Variants in PPID observed in about 807,000 individuals in gnomAD.
PPID encodes peptidyl-prolyl cis-trans isomerase D.
In PPID, 47 loss-of-function variants were observed where a neutral mutation model predicts 48.1. That is an observed-to-expected ratio of 0.98 (90% CI 0.77 to 1.25). PPID has a LOEUF of 1.25. PPID is among the 50% of genes most tolerant of loss of function. The pLI, the probability that PPID is intolerant of heterozygous loss-of-function variation, is 0.00. For missense variants in PPID, 429 were observed against 443.5 expected, an observed-to-expected ratio of 0.97 and a Z score of 0.29; for synonymous variants, 163 against 148.8, an observed-to-expected ratio of 1.10 and a Z score of -0.69.
Position 158,715,614 on chromosome 4 carries a change from G to A in PPID, c.593C>T (p.Ser198Phe), listed in dbSNP as rs760519600. The A allele has an allele frequency of 6.2e-7, 1 of 1,613,450 alleles. No homozygotes were observed. The highest frequency in any genetic ancestry group is 8.5e-7 in the Non-Finnish European group (1 of 1,179,502). ...AGGGAAATCTGGATGACTGTCGCCA[G>A]AGCCATCTTTTGGGAATATTCCCCC... ...DDGGIFPKDG[S>F]GDSHPDFPED... Residue 198 changes from serine (S) to phenylalanine (F), a missense_variant, in exon 5 of 10, where the codon TCT becomes TTT. By Grantham distance (155) the Ser-to-Phe change is radical. Coordinates refer to ENST00000307720, the MANE Select transcript of PPID (RefSeq NM_005038.3).
intron 9 of PPID, 157 bp downstream of exon 9, chr4:158,710,471 T>C: frequency 1.4e-6 from 1 of 730,200 alleles, no homozygotes; most frequent in Non-Finnish European, 2.4e-6. Context: ...ACTTTGACTG[T>C]CTTGTTCATT....
chr4:158,721,574 T>A (rs1029170023), intron 1 of PPID, 91 bp from the exon 2 acceptor site: 108 of 1,421,334 alleles, frequency 7.6e-5, no homozygotes, highest in Non-Finnish European at 9.2e-5. Context: ...AGCAGATCAA[T>A]CATGAATTAC....
intron 7 of PPID, among the ~76,000 whole-genome samples, chr4:158,711,705 A>G (rs1209505006): frequency 1.3e-5 from 2 of 152,198 alleles, no homozygotes; most frequent in African/African-American, 4.8e-5. Flanking sequence ...GAGGCTCTTA[A>G]CTATAATACC....
At position 158,709,734 on chromosome 4, in the gene PPID, T is replaced by C; in HGVS notation, c.*2A>G. The stretch of plus-strand genomic sequence containing the variant: ...CACACAATAAGCAAAACTGAATCCT[T>C]TCTAAGCAAACATTTTTGCATATAC... On this transcript the variant is annotated 3_prime_UTR_variant, in exon 10 of 10. Coordinates refer to ENST00000307720, the MANE Select transcript of PPID (RefSeq NM_005038.3). The C allele has an allele frequency of 6.3e-7, 1 of 1,594,504 alleles. No individual in the cohort carries two copies. The highest frequency in any genetic ancestry group is 1.3e-5 in the African/African-American group (1 of 74,642).
At chr4:158,722,712 C>T (rs1037558305) in intron 1 of PPID, among the ~76,000 whole-genome samples, 1 of 152,156 alleles carries the variant, frequency 6.6e-6, no homozygotes, top group Non-Finnish European at 1.5e-5. Flanking sequence ...TCTGAACGGA[C>T]CTCTAAATTA....
rs1774854910 is a variant in PPID, at chr4:158,715,409, T to C, written c.646-6A>G. ...ATTAATAAAATTTTATCTACCTGTA[T>C]AAAAAAATACAAATATGTTGGATTT... On this transcript the variant is annotated splice_region_variant and splice_polypyrimidine_tract_variant and intron_variant, in intron 5 of 9. Transcript: ENST00000307720. The C allele has an allele frequency of 4.0e-6, 6 of 1,496,828 alleles. No individual in the cohort carries two copies. Among genetic ancestry groups the C allele is most frequent in the South Asian group, 2.6e-5 (2 of 76,304 alleles). The allele number at this position is 1,496,828 out of a possible 1,614,324, so 92.7% of individuals were successfully genotyped here.
In PPID at chr4:158,721,324, T is replaced by A; in HGVS notation, c.226+19A>T. 6.2e-7 allele frequency: 1 copy of A among 1,611,686 alleles called. No individual in the cohort carries two copies. The highest frequency in any genetic ancestry group is 8.5e-7 in the Non-Finnish European group (1 of 1,178,264). On this transcript the variant is annotated intron_variant, in intron 2 of 9. Coordinates refer to ENST00000307720, the MANE Select transcript of PPID (RefSeq NM_005038.3). ...TTGTCTGTATGAAGAATAACAAGAT[T>A]AAGAAAATTTACACATACTTCGATG...
chr4:158,721,192 T>C (rs1435590637), intron 2 of PPID, 151 bp downstream of exon 2: 4 of 902,206 alleles, frequency 4.4e-6, no homozygotes, highest in Non-Finnish European at 6.7e-6. Context: ...TCGCACAGCC[T>C]AACCTTTACG....
At chr4:158,710,984 CCT>C in intron 7 of PPID, 136 bp from the exon 8 acceptor site, 1 of 760,150 alleles carries the variant, frequency 1.3e-6, no homozygotes, top group East Asian at 2.6e-5. Flanking sequence ...AAATAGCTCT[CCT>C]CTGCCAGTGG....
chr4:158,721,506 C>A, intron 1 of PPID, 23 bp from the exon 2 acceptor site: 1 of 1,609,380 alleles, frequency 6.2e-7, no homozygotes, highest in Non-Finnish European at 8.5e-7. Flanking sequence ...AAAATCTTGT[C>A]AGTATGCAAA....
intron 5 of PPID, 36 bp downstream of exon 5, chr4:158,715,526 A>G (rs911645938): frequency 5.0e-6 from 8 of 1,603,916 alleles, no homozygotes; most frequent in Non-Finnish European, 6.8e-6. Context: ...TCACTTACTA[A>G]ATTAATTAAA....
Position 158,717,119 on chromosome 4 carries a change from T to G in PPID, c.415A>C (p.Thr139Pro), listed in dbSNP as rs140112626. Residue 139 changes from threonine to proline, a missense_variant, in exon 4 of 10, where the codon ACT becomes CCT. Thr to Pro is a conservative substitution (Grantham distance 38). Coordinates refer to ENST00000307720, the MANE Select transcript of PPID (RefSeq NM_005038.3). ...GSQFFITTVP[T>P]PHLDGKHVVF... The stretch of plus-strand genomic sequence containing the variant: ...ACATGTTTCCCATCCAAATGAGGAG[T>G]TGGAACTGTTGTGATAAAAAACTGA... 2 of 1,613,948 alleles carry G rather than the reference T, an allele frequency of 1.2e-6. No individual in the cohort carries two copies. The highest frequency in any genetic ancestry group is 1.7e-6 in the Non-Finnish European group (2 of 1,179,978).
intron 7 of PPID, among the ~76,000 whole-genome samples, chr4:158,712,906 C>G (rs1774812660): frequency 1.3e-5 from 2 of 152,058 alleles, no homozygotes; most frequent in African/African-American, 2.4e-5. Flanking sequence ...GAAAAAAAGG[C>G]AAGGATCTTC....
chr4:158,717,749 C>A (rs1774895294), intron 3 of PPID, among the ~76,000 whole-genome samples: 2 of 152,262 alleles, frequency 1.3e-5, no homozygotes, highest in Admixed American at 6.5e-5. Context: ...TCAAAAGAAT[C>A]CAAATCATAC....
In PPID at chr4:158,709,218, C is replaced by A. The variant is rs1184758675; in HGVS notation, c.*518G>T. ...ACCATTATTTTTTATGAATAATGCA[C>A]ATAACCATTTTAAAAAACATTTTAC... On this transcript the variant is annotated 3_prime_UTR_variant, in exon 10 of 10. Coordinates refer to ENST00000307720, the MANE Select transcript of PPID (RefSeq NM_005038.3). 2 of 153,106 alleles carry A rather than the reference C, an allele frequency of 1.3e-5. No homozygotes were observed. The highest frequency in any genetic ancestry group is 4.8e-5 in the African/African-American group (2 of 41,410). The allele number at this position is 153,106 out of a possible 1,614,324, so 9.5% of individuals were successfully genotyped here.
chr4:158,711,699 C>T (rs556803373), intron 7 of PPID, among the ~76,000 whole-genome samples: 1 of 152,274 alleles, frequency 6.6e-6, no homozygotes, highest in Non-Finnish European at 1.5e-5. Flanking sequence ...GGCAGAGAGG[C>T]TCTTAACTAT....
At chr4:158,714,526 A>C (rs1774838724) in intron 6 of PPID, among the ~76,000 whole-genome samples, 1 of 152,122 alleles carries the variant, frequency 6.6e-6, no homozygotes, top group Non-Finnish European at 1.5e-5. Flanking sequence ...ATAACACATA[A>C]TCTTAGTTTG....
chr4:158,716,584 A>G (rs1165250600), intron 4 of PPID, among the ~76,000 whole-genome samples: 1 of 149,958 alleles, frequency 6.7e-6, no homozygotes, highest in Admixed American at 6.6e-5. Flanking sequence ...AAAGTGGCAG[A>G]TCCTGGCTCC....
chr4:158,715,794 A>G (rs887614508), intron 4 of PPID, 110 bp from the exon 5 acceptor site: 1 of 1,242,684 alleles, frequency 8.0e-7, no homozygotes, highest in African/African-American at 1.5e-5. Flanking sequence ...TTTATGTGAG[A>G]AGGCTCATTT....
Sources: gnomAD v4.1 joint callset for allele counts (sites outside exome capture counted in the v4.1 genomes callset) on GRCh38, gnomAD v4.1.1 for gene constraint, MANE v1.5 for transcripts, NCBI Gene and HGNC (gene_info 2026-07-23, HGNC 2026-07-21) for gene names.